The following GRIN2B variants were observed in gnomAD, a reference collection of about 807,000 sequenced individuals.
The protein encoded by GRIN2B is glutamate receptor ionotropic, NMDA 2B.
In GRIN2B, 5 loss-of-function variants were observed where a neutral mutation model predicts 114.5. The observed-to-expected ratio is 0.04, with a 90% CI of 0.02 to 0.09. GRIN2B has a LOEUF of 0.09. Ranked by LOEUF, GRIN2B falls within the 10% of genes least tolerant of loss-of-function variation. GRIN2B has a pLI of 1.00. For missense variants in GRIN2B, 1,108 were observed against 1,943.5 expected (o/e 0.57, Z 8.08); for synonymous variants, 787 against 745.1 (o/e 1.06, Z -0.92).
chr12:13,796,361 C>T (rs949970923), intron 3 of GRIN2B, among the ~76,000 whole-genome samples: 1 of 152,166 alleles, frequency 6.6e-6, no homozygotes, highest in Non-Finnish European at 1.5e-5. Flanking sequence ...CAGCCAGACT[C>T]CTTGGATATC....
chr12:13,702,919 T>C (rs1018489127), intron 4 of GRIN2B, among the ~76,000 whole-genome samples: 2 of 152,132 alleles, frequency 1.3e-5, no homozygotes, highest in Non-Finnish European at 2.9e-5. Context: ...CAAGTTTGTA[T>C]AGAAAGGGCA....
At chr12:13,948,219 C>T (rs1867400668) in intron 2 of GRIN2B, among the ~76,000 whole-genome samples, 1 of 152,058 alleles carries the variant, frequency 6.6e-6, no homozygotes, top group African/African-American at 2.4e-5. Flanking sequence ...ACAGAAAAAG[C>T]CTAAAGAAAG....
chr12:13,709,848 C>T (rs1257049683), intron 4 of GRIN2B, among the ~76,000 whole-genome samples: 1 of 151,990 alleles, frequency 6.6e-6, no homozygotes, highest in Non-Finnish European at 1.5e-5. Context: ...GATACTACCG[C>T]TCTGAAAAAT....
Position 13,702,822 on chromosome 12 carries a change from C to T in GRIN2B, c.1011-26963G>A, listed in dbSNP as rs555320583. ...TCCTGTCATACCACATGTTTATGTG[C>T]TTGTCAAACTCCCATTCCTTACAGC... On this transcript the variant is annotated intron_variant, in intron 4 of 13. Transcript: ENST00000609686. 1.3e-3 allele frequency among the ~76,000 whole-genome samples: 191 copies of T among 152,264 alleles called. 1 individual carries two copies. Among genetic ancestry groups the T allele is most frequent in the Non-Finnish European group, 2.3e-3 (154 of 68,016 alleles).
intron 4 of GRIN2B, among the ~76,000 whole-genome samples, chr12:13,737,194 A>C (rs974696621): frequency 2.6e-5 from 4 of 152,016 alleles, no homozygotes; most frequent in Admixed American, 2.6e-4. Flanking sequence ...GAGACTCCAG[A>C]AAGCTCATAT....
At chr12:13,767,971 T>G (rs1397234651) in intron 3 of GRIN2B, among the ~76,000 whole-genome samples, 2 of 152,192 alleles carry the variant, frequency 1.3e-5, no homozygotes, top group Non-Finnish European at 2.9e-5. Flanking sequence ...TAAGGGAGAA[T>G]AACCTCAGAT....
At chr12:13,855,159 A>C (rs1865638818) in intron 3 of GRIN2B, among the ~76,000 whole-genome samples, 1 of 152,010 alleles carries the variant, frequency 6.6e-6, no homozygotes, top group Non-Finnish European at 1.5e-5. Flanking sequence ...CAAAGGCTTC[A>C]GTGAGCCGAG....
intron 4 of GRIN2B, among the ~76,000 whole-genome samples, chr12:13,713,615 C>CA (rs1256067106): frequency 6.6e-6 from 1 of 151,902 alleles, no homozygotes; most frequent in Non-Finnish European, 1.5e-5. Context: ...ACCAATACGT[C>CA]ATTCCACATG....
intron 4 of GRIN2B, among the ~76,000 whole-genome samples, chr12:13,741,250 T>A (rs1241501219): frequency 6.6e-6 from 1 of 152,136 alleles, no homozygotes; most frequent in Non-Finnish European, 1.5e-5. Flanking sequence ...CAGGCTGTTC[T>A]TGAACTCCTG....
chr12:13,860,938 A>G (rs976911446), intron 3 of GRIN2B, among the ~76,000 whole-genome samples: 5 of 152,174 alleles, frequency 3.3e-5, no homozygotes, highest in African/African-American at 7.2e-5. Context: ...AGGACAAAAC[A>G]GTTGTCATTG....
intron 5 of GRIN2B, among the ~76,000 whole-genome samples, chr12:13,630,500 G>A (rs1252293796): frequency 6.6e-6 from 1 of 152,166 alleles, no homozygotes; most frequent in Non-Finnish European, 1.5e-5. Context: ...AGACTTGGAT[G>A]AGCGATAGTC....
At chr12:13,848,648 A>G (rs1865507061) in intron 3 of GRIN2B, among the ~76,000 whole-genome samples, 1 of 152,170 alleles carries the variant, frequency 6.6e-6, no homozygotes, top group African/African-American at 2.4e-5. Context: ...GCACACAAAA[A>G]AACCCTTTTC....
Position 13,550,315 on chromosome 12 carries a change from G to C in GRIN2B, c.*12468C>G, listed in dbSNP as rs1948393745. ...ACCATTCCCCAAGGAGGGGAGCAGA[G>C]GCAGGCTAGAACTGCAGGAGCTCAG... On this transcript the variant is annotated 3_prime_UTR_variant, in exon 14 of 14. Transcript: ENST00000609686. The C allele has an allele frequency of 6.6e-6, 1 of 152,210 alleles. No individual in the cohort carries two copies. Among genetic ancestry groups the C allele is most frequent in the African/African-American group, 2.4e-5 (1 of 41,452 alleles). 9.4% of individuals were successfully genotyped at this position (152,210 alleles called of 1,614,324 possible).
intron 10 of GRIN2B, among the ~76,000 whole-genome samples, chr12:13,584,288 T>C (rs1435011769): frequency 2.0e-5 from 3 of 152,200 alleles, no homozygotes; most frequent in Non-Finnish European, 4.4e-5. Context: ...CCAGACTTAA[T>C]TGCCTTTTTA....
At chr12:13,807,611 T>C (rs993374892) in intron 3 of GRIN2B, among the ~76,000 whole-genome samples, 1 of 151,658 alleles carries the variant, frequency 6.6e-6, no homozygotes, top group Admixed American at 6.6e-5. Flanking sequence ...ATTACGGAAA[T>C]TAATCTTGTC....
chr12:13,803,268 C>T (rs1250513895), intron 3 of GRIN2B, among the ~76,000 whole-genome samples: 1 of 152,090 alleles, frequency 6.6e-6, no homozygotes, highest in African/African-American at 2.4e-5. Flanking sequence ...TCAAAAGTTA[C>T]ACACAGATTT....
intron 2 of GRIN2B, among the ~76,000 whole-genome samples, chr12:13,915,403 A>T (rs780345669): frequency 6.6e-6 from 1 of 152,186 alleles, no homozygotes; most frequent in African/African-American, 2.4e-5. Flanking sequence ...GGCCACAGGC[A>T]GGCCAAAACC....
chr12:13,845,564 C>T (rs562891456), intron 3 of GRIN2B, among the ~76,000 whole-genome samples: 126 of 152,266 alleles, frequency 8.3e-4, no homozygotes, highest in Non-Finnish European at 1.3e-3. Flanking sequence ...AGTAGGCCAG[C>T]TCCAGGAGAG....
chr12:13,741,531 G>A (rs1336076853), intron 4 of GRIN2B, among the ~76,000 whole-genome samples: 1 of 152,106 alleles, frequency 6.6e-6, no homozygotes, highest in Non-Finnish European at 1.5e-5. Context: ...CTGGATCTCA[G>A]GGGGTTTGGG....
Sources: allele counts gnomAD v4.1 joint callset (sites outside exome capture counted in the v4.1 genomes callset), GRCh38; gene constraint gnomAD v4.1.1; transcripts MANE v1.5; gene names NCBI Gene and HGNC (gene_info 2026-07-23, HGNC 2026-07-21).